HDAC5: variants seen among roughly 807,000 people sequenced by gnomAD.
The protein encoded by HDAC5 is antigen NY-CO-9.
In HDAC5, 25 loss-of-function variants were observed where a neutral mutation model predicts 133.3. The observed-to-expected ratio is 0.19, with a 90% confidence interval of 0.14 to 0.26. The LOEUF is 0.26. HDAC5 is among the 10% of genes least tolerant of loss of function. The pLI is 1.00. For synonymous variants in HDAC5, 589 were observed against 610.8 expected, an observed-to-expected ratio of 0.96 and a Z score of 0.53; for missense variants, 1,041 against 1,460.5, an observed-to-expected ratio of 0.71 and a Z score of 4.68.
Position 44,123,641 on chromosome 17 carries a change from C to T in HDAC5, c.-327G>A. 2.5e-6 allele frequency: 1 copy of T among 396,302 alleles called. No individual in the cohort carries two copies. The allele number at this position is 396,302 out of a possible 1,614,324, so 24.5% of individuals were successfully genotyped here. On this transcript the variant is annotated 5_prime_UTR_variant, in exon 1 of 27. Coordinates refer to ENST00000682912, the MANE Select transcript of HDAC5 (RefSeq NM_005474.5). ...CGCTCGCCGCCGCCACCAACAACAACATTCGGAGACGTCACTCCCGTCACG... is the reference window on the plus strand; with the variant it reads ...CGCTCGCCGCCGCCACCAACAACAATATTCGGAGACGTCACTCCCGTCACG...
Position 44,117,530 on chromosome 17 carries a change from T to C in HDAC5, c.-15A>G, listed in dbSNP as rs759147579. ...GGAGAGTTCATGCCGGCTCTGGGCC[T>C]GCAGGAAGCTGGCGTTGGGGGCTGG... On this transcript the variant is annotated 5_prime_UTR_variant, in exon 2 of 27. Transcript: ENST00000682912. This position sits in a 1 kb window ranked among gnomAD's most constrained non-coding sequence, Gnocchi z 4.2. 1.2e-6 allele frequency: 2 copies of C among 1,613,632 alleles called. No individual in the cohort carries two copies. The highest frequency in any genetic ancestry group is 1.1e-5 in the South Asian group (1 of 91,068).
intron 1 of HDAC5, among the ~76,000 whole-genome samples, chr17:44,118,311 C>G (rs1230503611): frequency 6.6e-6 from 1 of 152,224 alleles, no homozygotes; most frequent in East Asian, 1.9e-4. Context: ...CATCCCAAAT[C>G]TAGTACCCTT....
intron 15 of HDAC5, 108 bp downstream of exon 15, chr17:44,084,914 T>G: frequency 7.0e-7 from 1 of 1,437,882 alleles, no homozygotes; most frequent in Non-Finnish European, 9.4e-7. Flanking sequence ...GGCCCCGAAG[T>G]CTGGGGCTGA....
At position 44,080,433 on chromosome 17, in the gene HDAC5, G is replaced by T; in HGVS notation, c.2793C>A (p.Pro931=). 6.2e-7 allele frequency: 1 copy of T among 1,613,616 alleles called. No individual in the cohort carries two copies. The highest frequency in any genetic ancestry group is 1.3e-5 in the African/African-American group (1 of 75,004). Residue 931 remains proline, a synonymous_variant, in exon 22 of 27, where the codon CCC becomes CCA. Coordinates refer to ENST00000682912, the MANE Select transcript of HDAC5 (RefSeq NM_005474.5). The part of the protein sequence containing the change: ...NVAWTGGVDP[P]IGDVEYLTAF... ...CTGTAAGGTACTCCACGTCTCCAAT[G>T]GGGGGGTCCACACCTCCTGTCCATG...
At chr17:44,121,935 G>A (rs1282359716) in intron 1 of HDAC5, among the ~76,000 whole-genome samples, 2 of 152,098 alleles carry the variant, frequency 1.3e-5, no homozygotes, top group African/African-American at 4.8e-5. Flanking sequence ...GATACTGGGG[G>A]CCCATTTCTC....
chr17:44,101,035 C>G (rs1399973886), intron 3 of HDAC5, among the ~76,000 whole-genome samples: 1 of 150,312 alleles, frequency 6.7e-6, no homozygotes, highest in African/African-American at 2.4e-5. Flanking sequence ...ATGATCCGCC[C>G]GCCTCAGCCT....
chr17:44,089,333 G>A (rs1190479493), intron 11 of HDAC5, among the ~76,000 whole-genome samples: 1 of 152,212 alleles, frequency 6.6e-6, no homozygotes, highest in Non-Finnish European at 1.5e-5. Flanking sequence ...GGGCAGCTGG[G>A]TGCGGTGGCT....
chr17:44,077,422 C>G lies in HDAC5; in HGVS notation c.*954G>C, dbSNP rs2050170316. ...CCTCCATTCTCACCATCCCCAGGATCCAAAACAAAAGGCCCCAGGAGGGAG... is the reference window on the plus strand; with the variant it reads ...CCTCCATTCTCACCATCCCCAGGATGCAAAACAAAAGGCCCCAGGAGGGAG... On this transcript the variant is annotated 3_prime_UTR_variant, in exon 27 of 27. Transcript: ENST00000682912. 1 of 152,386 alleles carries G rather than the reference C, an allele frequency of 6.6e-6. No homozygotes were observed. The highest frequency in any genetic ancestry group is 2.1e-4 in the South Asian group (1 of 4,836). The allele number at this position is 152,386 out of a possible 1,614,324, so 9.4% of individuals were successfully genotyped here.
chr17:44,087,652 G>A lies in HDAC5; in HGVS notation c.1644C>T (p.His548=). ...TGELPRQPTT[H]PEETEEELTE... ...TCAGCTCCTCCTCTGTCTCCTCAGG[G>A]TGGGTGGTGGGCTGCCTGGGCAGCT... The change falls in exon 13 of 27, where the codon CAC becomes CAT. Residue 548 remains histidine, a synonymous_variant. Transcript: ENST00000682912. The A allele has an allele frequency of 6.2e-7, 1 of 1,611,030 alleles. No individual in the cohort carries two copies. Among genetic ancestry groups the A allele is most frequent in the Non-Finnish European group, 8.5e-7 (1 of 1,178,348 alleles).
chr17:44,116,943 AGAG>A (rs1181571482), intron 2 of HDAC5, among the ~76,000 whole-genome samples: 30 of 152,186 alleles, frequency 2.0e-4, no homozygotes, highest in Non-Finnish European at 2.8e-4. Context: ...ACCTGGACTC[AGAG>A]GAGAGCCGAG....
chr17:44,112,083 G>A (rs1686011560), intron 2 of HDAC5, among the ~76,000 whole-genome samples: 1 of 152,124 alleles, frequency 6.6e-6, no homozygotes, highest in African/African-American at 2.4e-5. Flanking sequence ...TGCTTACATG[G>A]CAGGGCTGGG....
chr17:44,088,686 C>T (rs1285821100), intron 11 of HDAC5, 88 bp from the exon 12 acceptor site: 87 of 1,514,042 alleles, frequency 5.7e-5, no homozygotes, highest in Non-Finnish European at 7.7e-5. Context: ...CCACAACCCC[C>T]TCTGGCATAT....
chr17:44,085,028 C>G lies in HDAC5; in HGVS notation c.2178G>C (p.Lys726Asn), dbSNP rs759451274. The change falls in exon 15 of 27, where the codon AAG becomes AAC. Residue 726 changes from lysine (K) to asparagine (N), a missense_variant. Around this residue, in one of 9 missense-constraint regions of HDAC5, gnomAD observed 42 missense variants for 101.7 expected, o/e 0.41. Transcript: ENST00000682912. ...SRLQETGLLS[K>N]CERIRGRKAT... ...GAAGGAGGGGCTCCCTTACCTCGCA[C>G]TTGCTAAGCAGGCCTGTCTCCTGCA... 1.3e-6 allele frequency: 2 copies of G among 1,584,118 alleles called. No homozygotes were observed. The highest frequency in any genetic ancestry group is 2.7e-5 in the African/African-American group (2 of 74,366).
chr17:44,110,699 G>C, intron 3 of HDAC5, 30 bp downstream of exon 3: 2 of 1,584,632 alleles, frequency 1.3e-6, no homozygotes, highest in Non-Finnish European at 1.7e-6. Context: ...CCAGATGACA[G>C]AGGGCAGGCA....
intron 23 of HDAC5, 146 bp downstream of exon 23, chr17:44,079,961 G>C: frequency 3.0e-6 from 2 of 675,874 alleles, no homozygotes; most frequent in Non-Finnish European, 5.3e-6. Flanking sequence ...GACAAGTTGG[G>C]GGAGTTACCA....
In HDAC5 at chr17:44,088,533, C is replaced by G; in HGVS notation, c.1453G>C (p.Gly485Arg). ...ERVATSMRTV[G>R]KLPRHRPLSR... ...AGGGGCCGATGCCGCGGGAGCTTGCCTACCGTCCGCATGCTGGTGGCCACA... is the reference window on the plus strand; with the variant it reads ...AGGGGCCGATGCCGCGGGAGCTTGCGTACCGTCCGCATGCTGGTGGCCACA... The change falls in exon 12 of 27, where the codon GGC (glycine) becomes CGC (arginine). Residue 485 changes from glycine (G) to arginine (R), a missense_variant. Around this residue, in one of 9 missense-constraint regions of HDAC5, gnomAD observed 433 missense variants for 531.6 expected, o/e 0.81. Transcript: ENST00000682912. 6.2e-7 allele frequency: 1 copy of G among 1,613,498 alleles called. No homozygotes were observed. The highest frequency in any genetic ancestry group is 1.1e-5 in the South Asian group (1 of 91,070).
chr17:44,089,841 T>C (rs2050850973), intron 11 of HDAC5, among the ~76,000 whole-genome samples: 1 of 145,892 alleles, frequency 6.9e-6, no homozygotes, highest in Admixed American at 7.0e-5. Context: ...AAAGAACCGC[T>C]TGAAGCTTGA....
intron 18 of HDAC5, 57 bp from the exon 19 acceptor site, chr17:44,082,877 G>A (rs2050461573): frequency 2.1e-6 from 3 of 1,449,382 alleles, no homozygotes; most frequent in Non-Finnish European, 2.8e-6. Flanking sequence ...GCCGTGGAGG[G>A]GGTAGCACAG....
intron 18 of HDAC5, 89 bp from the exon 19 acceptor site, chr17:44,082,909 G>C: frequency 8.8e-7 from 1 of 1,142,418 alleles, no homozygotes; most frequent in Non-Finnish European, 1.3e-6. Context: ...AAGCCAGGCA[G>C]GGAAGTGAAC....
Sources: allele counts gnomAD v4.1 joint callset (sites outside exome capture counted in the v4.1 genomes callset), GRCh38; gene constraint gnomAD v4.1.1; regional missense constraint gnomAD v4.1.1; non-coding constraint Gnocchi (gnomAD v3.1); transcripts MANE v1.5; gene names NCBI Gene and HGNC (gene_info 2026-07-23, HGNC 2026-07-21).